HPSE2: variants seen among roughly 807,000 people sequenced by gnomAD.
HPSE2 encodes heparanase 2 (inactive).
Under a neutral mutation model 60.5 loss-of-function variants are expected in HPSE2, and 38 were observed. The ratio of observed to expected loss-of-function variants is 0.63; its 90% CI spans 0.48 to 0.82. The LOEUF is 0.82. Among genes scored for constraint, HPSE2 ranks in the 40% least tolerant of loss-of-function variants. HPSE2 has a pLI of 0.00. For missense variants in HPSE2, 713 were observed against 740.4 expected (o/e 0.96, Z 0.43); for synonymous variants, 295 against 293.2 (o/e 1.01, Z -0.06).
chr10:98,800,897 G>C (rs1246620058), intron 3 of HPSE2, among the ~76,000 whole-genome samples: 1 of 152,072 alleles, frequency 6.6e-6, no homozygotes, highest in Non-Finnish European at 1.5e-5. Context: ...TACCCTGATA[G>C]CTAAACCAGA....
intron 3 of HPSE2, among the ~76,000 whole-genome samples, chr10:99,124,955 C>T (rs538392543): frequency 6.6e-6 from 1 of 152,202 alleles, no homozygotes; most frequent in Non-Finnish European, 1.5e-5. Flanking sequence ...CTGCCACTGC[C>T]ATCAATAGCA....
At chr10:98,732,189 G>T (rs1187736669) in intron 4 of HPSE2, among the ~76,000 whole-genome samples, 1 of 152,094 alleles carries the variant, frequency 6.6e-6, no homozygotes, top group Admixed American at 6.6e-5. Context: ...ATTTTGTATT[G>T]TTAAGATGGT....
At chr10:98,658,779 T>C (rs560417027) in intron 6 of HPSE2, among the ~76,000 whole-genome samples, 1 of 152,206 alleles carries the variant, frequency 6.6e-6, no homozygotes, top group South Asian at 2.1e-4. Context: ...ATATTTGATT[T>C]ATCAACAAAA....
At chr10:98,939,436 G>A (rs1310134663) in intron 3 of HPSE2, among the ~76,000 whole-genome samples, 1 of 143,180 alleles carries the variant, frequency 7.0e-6, no homozygotes, top group Non-Finnish European at 1.5e-5. Context: ...TGCAATCCTA[G>A]TCTCTCATAA....
intron 3 of HPSE2, among the ~76,000 whole-genome samples, chr10:99,090,600 A>G (rs923285178): frequency 2.0e-5 from 3 of 152,178 alleles, no homozygotes; most frequent in Admixed American, 6.5e-5. Context: ...AATGAGTAGG[A>G]TAAGAAAAAC....
At chr10:98,996,783 G>A (rs1956650540) in intron 3 of HPSE2, among the ~76,000 whole-genome samples, 1 of 152,184 alleles carries the variant, frequency 6.6e-6, no homozygotes, top group South Asian at 2.1e-4. Flanking sequence ...CATGCTACAT[G>A]ATTCTATATA....
intron 3 of HPSE2, among the ~76,000 whole-genome samples, chr10:98,904,805 A>G (rs1953763551): frequency 6.6e-6 from 1 of 152,214 alleles, no homozygotes; most frequent in Non-Finnish European, 1.5e-5. Flanking sequence ...TCAAGAAAAA[A>G]ATAATGGTAA....
intron 9 of HPSE2, among the ~76,000 whole-genome samples, chr10:98,515,527 A>T (rs1334201099): frequency 6.6e-6 from 1 of 152,232 alleles, no homozygotes; most frequent in African/African-American, 2.4e-5. Context: ...TACAGTGTGC[A>T]GAATAAAAGC....
intron 3 of HPSE2, among the ~76,000 whole-genome samples, chr10:99,004,108 T>C (rs1589500152): frequency 6.6e-6 from 1 of 152,192 alleles, no homozygotes; most frequent in Non-Finnish European, 1.5e-5. Flanking sequence ...TCTTTTTCCA[T>C]CGCTTCACTT....
intron 3 of HPSE2, among the ~76,000 whole-genome samples, chr10:98,935,838 C>T (rs1189002632): frequency 1.4e-5 from 2 of 144,974 alleles, no homozygotes; most frequent in East Asian, 2.0e-4. Context: ...TCCCCCTCTT[C>T]GGAATCAGCC....
rs374196650 is a variant in HPSE2, at chr10:98,844,008, C to T, written c.611-99952G>A. On this transcript the variant is annotated intron_variant, in intron 3 of 11. Transcript: ENST00000370552. ...GTAGTTTCATTGTAAAACAGGAATT[C>T]CCTGATGCTTCTGGAGAGTTACCCA... 1.8e-4 allele frequency among the ~76,000 whole-genome samples: 27 copies of T among 152,272 alleles called. No individual in the cohort carries two copies. The East Asian group carries it at 3.9e-3, about 22-fold the overall frequency.
intron 3 of HPSE2, among the ~76,000 whole-genome samples, chr10:98,984,633 C>G (rs1956292309): frequency 6.6e-6 from 1 of 152,190 alleles, no homozygotes; most frequent in Non-Finnish European, 1.5e-5. Flanking sequence ...TGGAACAAAG[C>G]TGGATGGAGA....
At chr10:98,774,038 T>C (rs1368021946) in intron 3 of HPSE2, among the ~76,000 whole-genome samples, 4 of 152,132 alleles carry the variant, frequency 2.6e-5, no homozygotes, top group African/African-American at 9.7e-5. Flanking sequence ...CACTCCAGTA[T>C]GGGTGACGGA....
intron 3 of HPSE2, among the ~76,000 whole-genome samples, chr10:98,918,507 T>G (rs545675329): frequency 6.7e-6 from 1 of 150,128 alleles, no homozygotes; most frequent in South Asian, 2.1e-4. Context: ...CCATAAAAAA[T>G]GATGAGTTCA....
chr10:98,685,463 G>T (rs571089138), intron 6 of HPSE2, among the ~76,000 whole-genome samples: 21 of 152,184 alleles, frequency 1.4e-4, no homozygotes, highest in Non-Finnish European at 2.6e-4. Flanking sequence ...GCAATGCACT[G>T]ATTTTAAAAA....
intron 9 of HPSE2, among the ~76,000 whole-genome samples, chr10:98,508,073 T>TA (rs575785943): frequency 3.9e-4 from 59 of 150,818 alleles, no homozygotes; most frequent in Non-Finnish European, 6.5e-4. Flanking sequence ...ATGTCTATAA[T>TA]AAAAAAAAAT....
the HPSE2 span, among the ~76,000 whole-genome samples, chr10:99,257,863 A>C: frequency 6.6e-6 from 1 of 152,106 alleles, no homozygotes; most frequent in Non-Finnish European, 1.5e-5. Context: ...CCAGCTTTAA[A>C]ATTTCTCTAT....
chr10:98,793,915 T>A lies in HPSE2; in HGVS notation c.611-49859A>T, dbSNP rs966572564. Among the ~76,000 whole-genome samples the A allele has an allele frequency of 1.7e-3, 258 of 152,164 alleles. 1 individual carries two copies. Among genetic ancestry groups the A allele is most frequent in the Non-Finnish European group, 3.1e-3 (214 of 67,950 alleles). On this transcript the variant is annotated intron_variant, in intron 3 of 11. Coordinates refer to ENST00000370552, the MANE Select transcript of HPSE2 (RefSeq NM_021828.5). ...AATACTAATAAAAGGAAGTGGCAGG[T>A]AGGATATGAGTTCTGAGAAATCCAA...
At chr10:98,613,772 C>T (rs1177377552) in intron 9 of HPSE2, among the ~76,000 whole-genome samples, 1 of 152,236 alleles carries the variant, frequency 6.6e-6, no homozygotes, top group Non-Finnish European at 1.5e-5. Flanking sequence ...AGCAGTCCCT[C>T]AGTTAAATGA....
Sources: gnomAD v4.1 joint callset for allele counts (sites outside exome capture counted in the v4.1 genomes callset) on GRCh38, gnomAD v4.1.1 for gene constraint, MANE v1.5 for transcripts, NCBI Gene and HGNC (gene_info 2026-07-23, HGNC 2026-07-21) for gene names.